Variants in LRRC20 observed in about 807,000 individuals in gnomAD.
The protein encoded by LRRC20 is leucine rich repeat containing 20.
LRRC20 carries 11 observed loss-of-function variants against 14.4 expected under a neutral mutation model. The ratio of observed to expected loss-of-function variants is 0.77; its 90% CI spans 0.48 to 1.27. The LOEUF is 1.27. LRRC20 is among the 50% of genes most tolerant of loss of function. LRRC20 has a pLI of 0.00. For synonymous variants in LRRC20, 121 were observed against 107.3 expected (o/e 1.13, Z -0.79); for missense variants, 219 against 251.2 (o/e 0.87, Z 0.87).
intron 2 of LRRC20, among the ~76,000 whole-genome samples, chr10:70,360,390 T>A (rs1361039609): frequency 6.7e-6 from 1 of 148,264 alleles, no homozygotes; most frequent in Middle Eastern, 3.4e-3. Flanking sequence ...CCTCCCCATC[T>A]CCCTCCTCCT....
At chr10:70,352,988 C>G (rs1280165513) in intron 2 of LRRC20, among the ~76,000 whole-genome samples, 1 of 152,082 alleles carries the variant, frequency 6.6e-6, no homozygotes, top group African/African-American at 2.4e-5. Flanking sequence ...AACTTCAATC[C>G]TCATGGTTCT....
intron 4 of LRRC20, among the ~76,000 whole-genome samples, chr10:70,313,702 A>C (rs570674773): frequency 4.1e-4 from 63 of 152,300 alleles, no homozygotes; most frequent in African/African-American, 1.5e-3. Flanking sequence ...AAAACTAACA[A>C]GTTAGCCACA....
chr10:70,331,566 C>A (rs964016343), intron 3 of LRRC20, among the ~76,000 whole-genome samples: 1 of 152,216 alleles, frequency 6.6e-6, no homozygotes, highest in Non-Finnish European at 1.5e-5. Flanking sequence ...GTCACAGCAC[C>A]CAGGCCATCT....
At chr10:70,327,298 G>A (rs1434934906) in intron 3 of LRRC20, among the ~76,000 whole-genome samples, 2 of 152,202 alleles carry the variant, frequency 1.3e-5, no homozygotes, top group Non-Finnish European at 2.9e-5. Context: ...ATCTCAGCCA[G>A]GCTCAGTGGC....
At chr10:70,374,600 T>C (rs1444487365) in intron 2 of LRRC20, among the ~76,000 whole-genome samples, 1 of 152,078 alleles carries the variant, frequency 6.6e-6, no homozygotes, top group African/African-American at 2.4e-5. Flanking sequence ...TGCTTCGGCC[T>C]CCCAAAGTGC....
intron 4 of LRRC20, among the ~76,000 whole-genome samples, chr10:70,320,176 G>A (rs976666291): frequency 2.0e-5 from 3 of 152,104 alleles, no homozygotes; most frequent in Non-Finnish European, 2.9e-5. Context: ...AGGGAGGACG[G>A]GTGACTGAGT....
intron 1 of LRRC20, among the ~76,000 whole-genome samples, chr10:70,382,326 G>A (rs924408035): frequency 2.6e-5 from 4 of 152,230 alleles, no homozygotes; most frequent in African/African-American, 4.8e-5. Context: ...GAGCAAGCAA[G>A]AGCCCGCGCA....
intron 1 of LRRC20, among the ~76,000 whole-genome samples, chr10:70,382,321 A>T (rs1393741730): frequency 6.6e-6 from 1 of 152,230 alleles, no homozygotes; most frequent in Non-Finnish European, 1.5e-5. Flanking sequence ...GCAGTGAGCA[A>T]GCAAGAGCCC....
intron 3 of LRRC20, among the ~76,000 whole-genome samples, chr10:70,330,179 G>A (rs1416140200): frequency 6.6e-6 from 1 of 152,172 alleles, no homozygotes; most frequent in African/African-American, 2.4e-5. Context: ...GTGTAAAATT[G>A]ATGTTAATTC....
intron 2 of LRRC20, among the ~76,000 whole-genome samples, chr10:70,375,668 G>A (rs998196133): frequency 3.9e-5 from 6 of 152,144 alleles, no homozygotes; most frequent in African/African-American, 1.4e-4. Flanking sequence ...CATCCCCAAG[G>A]CAGGACTGTG....
At position 70,352,766 on chromosome 10, in the gene LRRC20, A is replaced by AT. The variant is rs61481050; in HGVS notation, c.83-12065dup. ...TAACACTCCCCTTTAAAAATTAAAT[A>AT]TTTTTTAAAATGTGCCATCTTAACC... On this transcript the variant is annotated intron_variant, in intron 2 of 4. Transcript: ENST00000446961. 2.3e-3 allele frequency among the ~76,000 whole-genome samples: 356 copies of AT among 152,258 alleles called. 1 individual carries two copies. Among genetic ancestry groups the AT allele is most frequent in the Middle Eastern group, 3.4e-3 (1 of 294 alleles).
At chr10:70,327,257 CA>C (rs1427989342) in intron 3 of LRRC20, among the ~76,000 whole-genome samples, 1 of 152,154 alleles carries the variant, frequency 6.6e-6, no homozygotes, top group Non-Finnish European at 1.5e-5. Context: ...TGGAGGATAT[CA>C]GCAGTTAAAT....
At chr10:70,367,543 C>T (rs1844061468) in intron 2 of LRRC20, among the ~76,000 whole-genome samples, 1 of 152,058 alleles carries the variant, frequency 6.6e-6, no homozygotes, top group Non-Finnish European at 1.5e-5. Context: ...TACTGATTCC[C>T]ACCAAACATG....
intron 2 of LRRC20, among the ~76,000 whole-genome samples, chr10:70,365,925 T>C (rs539418827): frequency 6.6e-6 from 1 of 151,142 alleles, no homozygotes; most frequent in Non-Finnish European, 1.5e-5. Flanking sequence ...AAAAATTAGC[T>C]GGGCGAGGTG....
chr10:70,355,829 A>G (rs1843497384), intron 2 of LRRC20, among the ~76,000 whole-genome samples: 1 of 152,140 alleles, frequency 6.6e-6, no homozygotes, highest in South Asian at 2.1e-4. Flanking sequence ...TGCCAGGGCA[A>G]AGCTCACGGG....
chr10:70,365,568 G>T (rs1308855275), intron 2 of LRRC20, among the ~76,000 whole-genome samples: 1 of 152,170 alleles, frequency 6.6e-6, no homozygotes, highest in African/African-American at 2.4e-5. Flanking sequence ...GCATGCACTT[G>T]TAGTTCCAGC....
At chr10:70,329,641 A>G (rs1422038289) in intron 3 of LRRC20, among the ~76,000 whole-genome samples, 3 of 147,814 alleles carry the variant, frequency 2.0e-5, no homozygotes, top group Non-Finnish European at 4.4e-5. Flanking sequence ...GGCTCACTGC[A>G]ACTTCTGCCT....
chr10:70,350,097 A>G (rs76888802), intron 2 of LRRC20, among the ~76,000 whole-genome samples: 6,258 of 152,284 alleles, frequency 0.041, 450 homozygotes, highest in African/African-American at 0.14. Flanking sequence ...TGCTCAGAGA[A>G]GAAGGCTCCT....
intron 3 of LRRC20, among the ~76,000 whole-genome samples, chr10:70,337,376 C>T (rs1037515424): frequency 5.8e-4 from 88 of 152,312 alleles, no homozygotes; most frequent in African/African-American, 1.9e-3. Flanking sequence ...CTGCTGCCAC[C>T]GCATCCCTCA....
Sources: allele counts gnomAD v4.1 joint callset (sites outside exome capture counted in the v4.1 genomes callset), GRCh38; gene constraint gnomAD v4.1.1; transcripts MANE v1.5; gene names NCBI Gene and HGNC (gene_info 2026-07-23, HGNC 2026-07-21).